DLC1: variants seen among roughly 807,000 people sequenced by gnomAD.
The protein encoded by DLC1 is DLC1 Rho GTPase activating protein.
A neutral mutation model predicts 140.3 loss-of-function variants in DLC1; 54 were observed. The observed-to-expected ratio is 0.38, with a 90% confidence interval of 0.31 to 0.48. The LOEUF (loss-of-function observed/expected upper bound fraction) is 0.48, where lower values mean the gene tolerates loss of function less well. DLC1 is among the 20% of genes least tolerant of loss of function. DLC1 has a pLI of 0.96. For synonymous variants in DLC1, 986 were observed against 728.1 expected (o/e 1.35, Z -5.70); for missense variants, 2,536 against 1,907.0 (o/e 1.33, Z -6.14).
intron 5 of DLC1, among the ~76,000 whole-genome samples, chr8:13,120,985 A>G (rs923048436): frequency 3.9e-5 from 6 of 152,200 alleles, no homozygotes; most frequent in African/African-American, 1.2e-4. Context: ...GATTACTTCA[A>G]TCTACCATTC....
At position 13,135,967 on chromosome 8, in the gene DLC1, C is replaced by T. The variant is rs867104198; in HGVS notation, c.1349-20310G>A. 2.6e-5 allele frequency among the ~76,000 whole-genome samples: 4 copies of T among 152,254 alleles called. No individual in the cohort carries two copies. In the South Asian group the frequency reaches 6.2e-4, roughly 24 times the overall value. ...TTTCTTTTGGTGATGCATTGGTTTG[C>T]GTTTGACCTTCCCTGAATCTCATCT... is the stretch of plus-strand genomic sequence containing the variant. On this transcript the variant is annotated intron_variant, in intron 5 of 17. Coordinates refer to ENST00000276297, the MANE Select transcript of DLC1 (RefSeq NM_182643.3).
At chr8:13,201,898 G>GTACTAA in intron 5 of DLC1, among the ~76,000 whole-genome samples, 1 of 146,230 alleles carries the variant, frequency 6.8e-6, no homozygotes, top group South Asian at 2.2e-4. Flanking sequence ...TCTCCCCCAG[G>GTACTAA]TACTAAGTCT....
intron 2 of DLC1, among the ~76,000 whole-genome samples, chr8:13,404,644 C>T (rs1837444240): frequency 6.6e-6 from 1 of 152,028 alleles, no homozygotes; most frequent in Non-Finnish European, 1.5e-5. Flanking sequence ...ATTACCTGAG[C>T]AACAAGGAAT....
Position 13,499,929 on chromosome 8 carries a change from G to A in DLC1, c.143C>T (p.Ala48Val), listed in dbSNP as rs1801721167. Reference sequence around the variant, plus strand: ...CTCTTTGCGGTCCACATTTAGAGTTGCATCTTTTTCCATACTTGCCTGCAA... The same window carrying A: ...CTCTTTGCGGTCCACATTTAGAGTTACATCTTTTTCCATACTTGCCTGCAA... ...DSLQASMEKD[A>V]TLNVDRKEKC... The change falls in exon 2 of 18, where the codon GCA (alanine) becomes GTA (valine). Residue 48 changes from alanine (A) to valine (V), a missense_variant. Ala to Val is a moderately conservative substitution (Grantham distance 64). Transcript: ENST00000276297. The A allele has an allele frequency of 1.2e-6, 2 of 1,614,048 alleles. No individual in the cohort carries two copies. The highest frequency in any genetic ancestry group is 1.7e-6 in the Non-Finnish European group (2 of 1,180,010).
rs916410261 is a variant in DLC1 at position 13,094,907 on chromosome 8, G to A, written c.3378C>T (p.Arg1126=). The change falls in exon 12 of 18, where the codon CGC becomes CGT. Residue 1126 remains arginine (R), a synonymous_variant. Coordinates refer to ENST00000276297, the MANE Select transcript of DLC1 (RefSeq NM_182643.3). The part of the protein sequence containing the change: ...SGVKSRIQAL[R]QMNEGAIDCV... ...AGTCTATGGCACCTTCATTCATCTGGCGCAGAGCCTGAATCCGGGACTTGA... is the reference window on the plus strand; with the variant it reads ...AGTCTATGGCACCTTCATTCATCTGACGCAGAGCCTGAATCCGGGACTTGA... The A allele has an allele frequency of 1.2e-5, 20 of 1,614,098 alleles. No individual in the cohort carries two copies. The highest frequency in any genetic ancestry group is 1.7e-5 in the Admixed American group (1 of 60,006).
In DLC1 at chr8:13,579,348, TA is replaced by T. The variant is rs1563453975; in HGVS notation, c.-126+25188del. On this transcript the variant is annotated intron_variant, in intron 1 of 1. Coordinates refer to the DLC1 transcript ENST00000631382. ...ATATATATATATATATATATATATA[TA>T]TATATATATATATTTTTATATAATA... 1.2e-3 allele frequency among the ~76,000 whole-genome samples: 66 copies of T among 54,060 alleles called. 7 individuals are homozygous for T. The highest frequency in any genetic ancestry group is 6.6e-3 in the African/African-American group (62 of 9,424). The allele number at this position is 54,060 out of a possible 152,430, so 35.5% of individuals were successfully genotyped here. A position where few individuals can be genotyped will look rare whatever the true frequency, so the allele number is the denominator to read the frequency against.
chr8:13,302,690 C>G (rs911699986), intron 5 of DLC1, among the ~76,000 whole-genome samples: 3 of 141,778 alleles, frequency 2.1e-5, no homozygotes, highest in East Asian at 2.1e-4. Flanking sequence ...GAACAATAGG[C>G]TACATTGATT....
At position 13,102,295 on chromosome 8, in the gene DLC1, G is replaced by C. The variant is rs559446461; in HGVS notation, c.1566+495C>G. Among the ~76,000 whole-genome samples, 26 of 152,252 alleles carry C rather than the reference G, an allele frequency of 1.7e-4. 3 individuals are homozygous for C. Among genetic ancestry groups the C allele is most frequent in the Middle Eastern group, 3.4e-3 (1 of 294 alleles). Reference sequence around the variant, plus strand: ...TACCACCATTTGACTAAACTGTGTGGGATCTCCTGCCTTCTCCTCTTCCTC... The same window carrying C: ...TACCACCATTTGACTAAACTGTGTGCGATCTCCTGCCTTCTCCTCTTCCTC... On this transcript the variant is annotated intron_variant, in intron 8 of 17. Coordinates refer to ENST00000276297, the MANE Select transcript of DLC1 (RefSeq NM_182643.3).
At chr8:13,134,171 G>A (rs1822377257) in intron 5 of DLC1, among the ~76,000 whole-genome samples, 1 of 152,240 alleles carries the variant, frequency 6.6e-6, no homozygotes, top group South Asian at 2.1e-4. Context: ...AGCCTAATGT[G>A]AAGGGATCAC....
chr8:13,580,339 C>T (rs6530645), intron 1 of DLC1, among the ~76,000 whole-genome samples: 150,104 of 152,172 alleles, frequency 0.99, 74,075 homozygotes, highest in East Asian at 1. Context: ...GCCAGGATGG[C>T]CTCGATCGCC....
chr8:13,304,885 A>G (rs1832353180), intron 5 of DLC1: 2 of 993,078 alleles, frequency 2.0e-6, no homozygotes, highest in Non-Finnish European at 2.4e-6. Context: ...TTAAGCATCA[A>G]TTACATCTTT....
chr8:13,342,172 A>T (rs1834091157), intron 4 of DLC1: 1 of 152,208 alleles, frequency 6.6e-6, no homozygotes, highest in Non-Finnish European at 1.5e-5. Context: ...CCTCTGTGTA[A>T]TAAATATGAA....
intron 2 of DLC1, among the ~76,000 whole-genome samples, chr8:13,445,765 C>G (rs1380514173): frequency 6.6e-6 from 1 of 152,186 alleles, no homozygotes; most frequent in Non-Finnish European, 1.5e-5. Context: ...CCAGACATCT[C>G]TCTTCTTTCC....
chr8:13,359,362 C>G (rs529344946), intron 4 of DLC1, among the ~76,000 whole-genome samples: 1 of 152,162 alleles, frequency 6.6e-6, no homozygotes, highest in Non-Finnish European at 1.5e-5. Context: ...TAATGTTACG[C>G]TCAGGTAATG....
intron 2 of DLC1, among the ~76,000 whole-genome samples, chr8:13,485,873 A>G (rs544388876): frequency 6.6e-6 from 1 of 152,338 alleles, no homozygotes; most frequent in Admixed American, 6.5e-5. Flanking sequence ...TCTAAGCAGA[A>G]TTTTAAGCAT....
intron 5 of DLC1, among the ~76,000 whole-genome samples, chr8:13,199,171 CTTTTTCTTTT>C (rs1353443456): frequency 1.5e-5 from 2 of 133,964 alleles, no homozygotes; most frequent in Non-Finnish European, 3.1e-5. Flanking sequence ...GTCTCCTTCT[CTTTTTCTTTT>C]TTTTTTTTTT....
At chr8:13,591,432 C>T (rs889971202) in intron 1 of DLC1, among the ~76,000 whole-genome samples, 8 of 152,084 alleles carry the variant, frequency 5.3e-5, no homozygotes, top group East Asian at 3.9e-4. Context: ...CCTGCTGGCA[C>T]GCCTTCTCTC....
At chr8:13,567,618 G>T in intron 1 of DLC1, 1 of 1,551,696 alleles carries the variant, frequency 6.4e-7, no homozygotes, top group Non-Finnish European at 8.7e-7. Flanking sequence ...GAGCGGAGCT[G>T]GCCCTGTCTG....
chr8:13,313,225 T>C (rs1832749738), intron 4 of DLC1, among the ~76,000 whole-genome samples: 1 of 152,312 alleles, frequency 6.6e-6, no homozygotes, highest in South Asian at 2.1e-4. Context: ...AGGATGAACC[T>C]CATCCTCGTG....
Sources: gnomAD v4.1 joint callset for allele counts (sites outside exome capture counted in the v4.1 genomes callset) on GRCh38, gnomAD v4.1.1 for gene constraint, MANE v1.5 for transcripts, NCBI Gene and HGNC (gene_info 2026-07-23, HGNC 2026-07-21) for gene names.